Variants in ITGAV observed in about 807,000 individuals in gnomAD.
ITGAV encodes the protein integrin alpha-V.
A neutral mutation model predicts 143.8 loss-of-function variants in ITGAV; 76 were observed. That is an observed-to-expected ratio of 0.53 (90% CI 0.44 to 0.64). The LOEUF (loss-of-function observed/expected upper bound fraction) is 0.64, where lower values mean the gene tolerates loss of function less well. Among genes scored for constraint, ITGAV ranks in the 30% least tolerant of loss-of-function variants. The pLI is 0.00. For synonymous variants in ITGAV, 453 were observed against 446.7 expected (o/e 1.01, Z -0.18); for missense variants, 1,193 against 1,274.7 (o/e 0.94, Z 0.98).
intron 17 of ITGAV, among the ~76,000 whole-genome samples, chr2:186,658,300 T>G (rs1688645520): frequency 6.6e-6 from 1 of 152,172 alleles, no homozygotes; most frequent in Admixed American, 6.5e-5. Context: ...CCCCAAGTTA[T>G]GACTATGAAG....
chr2:186,658,284 C>G lies in ITGAV; in HGVS notation c.1720-754C>G, dbSNP rs1688645079. On this transcript the variant is annotated intron_variant, in intron 17 of 29. Transcript: ENST00000261023. ...AAACTTCAAGATTTAAGAAGCAAGA[C>G]AAATACCCCAAGTTATGACTATGAA... is the stretch of plus-strand genomic sequence containing the variant. Among the ~76,000 whole-genome samples, 6 of 152,202 alleles carry G rather than the reference C, an allele frequency of 3.9e-5. No homozygotes were observed. In the South Asian group the frequency reaches 1.0e-3, roughly 26 times the overall value.
rs142158818 is a variant in ITGAV at position 186,617,755 on chromosome 2, A to G, written c.317-4584A>G. On this transcript the variant is annotated intron_variant, in intron 2 of 29. Transcript: ENST00000261023. ...TTCGATAATTAAATAAAATTATTTTATTGTGTGAGATACTCTTTTTTTCTT... is the reference window on the plus strand; with the variant it reads ...TTCGATAATTAAATAAAATTATTTTGTTGTGTGAGATACTCTTTTTTTCTT... Among the ~76,000 whole-genome samples the G allele has an allele frequency of 4.2e-3, 634 of 152,266 alleles. 5 individuals are homozygous for G. The highest frequency in any genetic ancestry group is 0.014 in the African/African-American group (591 of 41,546).
intron 1 of ITGAV, among the ~76,000 whole-genome samples, chr2:186,598,513 C>T (rs1404345481): frequency 6.7e-6 from 1 of 149,606 alleles, no homozygotes; most frequent in Admixed American, 6.7e-5. Context: ...TCTTGGCTCA[C>T]TGCAATCTCC....
At chr2:186,655,030 AT>A (rs1688545251) in intron 16 of ITGAV, among the ~76,000 whole-genome samples, 2 of 152,240 alleles carry the variant, frequency 1.3e-5, no homozygotes, top group South Asian at 2.1e-4. Context: ...TTATAAGTAG[AT>A]GATCTGCTGA....
At position 186,675,671 on chromosome 2, in the gene ITGAV, C is replaced by T. The variant is rs767330119; in HGVS notation, c.2774C>T (p.Ala925Val). ...QVGRLDRGKS[A>V]ILYVKSLLWT... ...GGGAGATTAGACAGAGGAAAGAGTG[C>T]AATCTTGTACGTAAAGTCATTACTG... The change falls in exon 27 of 30, where the codon GCA becomes GTA. Residue 925 changes from alanine to valine, a missense_variant. Transcript: ENST00000261023. The T allele has an allele frequency of 1.4e-5, 23 of 1,613,628 alleles. No homozygotes were observed. The highest frequency in any genetic ancestry group is 2.2e-5 in the East Asian group (1 of 44,858).
intron 26 of ITGAV, among the ~76,000 whole-genome samples, chr2:186,675,029 A>G (rs1445451252): frequency 6.6e-6 from 1 of 152,174 alleles, no homozygotes; most frequent in Non-Finnish European, 1.5e-5. Context: ...TAACATTGTC[A>G]TGAGGTGTAT....
At chr2:186,595,798 T>G (rs1686735098) in intron 1 of ITGAV, among the ~76,000 whole-genome samples, 1 of 152,148 alleles carries the variant, frequency 6.6e-6, no homozygotes, top group African/African-American at 2.4e-5. Context: ...ATTAAGTCAC[T>G]CAGCTTCAGA....
intron 15 of ITGAV, among the ~76,000 whole-genome samples, chr2:186,652,931 ATTTTTTTT>A (rs35139936): frequency 1.2e-5 from 1 of 82,424 alleles, no homozygotes; most frequent in African/African-American, 4.9e-5. Context: ...TTCATTATAG[ATTTTTTTT>A]TTTTTTTTTT....
At chr2:186,603,990 G>A (rs1027104246) in intron 2 of ITGAV, among the ~76,000 whole-genome samples, 2 of 151,528 alleles carry the variant, frequency 1.3e-5, no homozygotes, top group Non-Finnish European at 2.9e-5. Context: ...TCAGCCCCAC[G>A]AGGAGTTGGG....
intron 16 of ITGAV, among the ~76,000 whole-genome samples, chr2:186,655,548 C>T (rs751043042): frequency 2.6e-5 from 4 of 152,118 alleles, no homozygotes; most frequent in Admixed American, 6.6e-5. Context: ...AAAATAACCC[C>T]GGGTATTCAC....
intron 26 of ITGAV, among the ~76,000 whole-genome samples, chr2:186,671,750 A>G (rs950173639): frequency 3.9e-5 from 6 of 152,122 alleles, no homozygotes; most frequent in South Asian, 2.1e-4. Flanking sequence ...CCAAAAAGAA[A>G]TGCTGTACCC....
At chr2:186,591,575 AT>A (rs1377818266) in intron 1 of ITGAV, among the ~76,000 whole-genome samples, 37 of 152,094 alleles carry the variant, frequency 2.4e-4, no homozygotes, top group African/African-American at 8.5e-4. Flanking sequence ...GTGGAGGAAA[AT>A]TTTGACGGTT....
In ITGAV at chr2:186,622,431, G is replaced by T. The variant is rs1198861424; in HGVS notation, c.408+1G>T. 1.3e-6 allele frequency: 2 copies of T among 1,593,444 alleles called. No homozygotes were observed. Among genetic ancestry groups the T allele is most frequent in the Non-Finnish European group, 1.7e-6 (2 of 1,161,422 alleles). On this transcript the variant is annotated splice_donor_variant, in intron 3 of 29. Transcript: ENST00000261023. LOFTEE classifies it high-confidence loss of function. Reference sequence around the variant, plus strand: ...GAGGTCGAAACAGGATAAAATTTTGGTGAGTCTTCTGGATATTTACTTACA... The same window carrying T: ...GAGGTCGAAACAGGATAAAATTTTGTTGAGTCTTCTGGATATTTACTTACA...
At chr2:186,617,012 A>T (rs1687383913) in intron 2 of ITGAV, among the ~76,000 whole-genome samples, 1 of 147,076 alleles carries the variant, frequency 6.8e-6, no homozygotes, top group South Asian at 2.2e-4. Context: ...TATTGTTTTG[A>T]TAGACATTTT....
chr2:186,637,343 G>A (rs565947535), intron 8 of ITGAV, among the ~76,000 whole-genome samples: 3 of 151,822 alleles, frequency 2.0e-5, no homozygotes, highest in East Asian at 1.9e-4. Context: ...TTAGCCGGGC[G>A]CGGTGATGCA....
intron 5 of ITGAV, among the ~76,000 whole-genome samples, chr2:186,632,880 A>C (rs1313299782): frequency 6.6e-6 from 1 of 152,144 alleles, no homozygotes; most frequent in Non-Finnish European, 1.5e-5. Flanking sequence ...TGAATATATT[A>C]AAATGTTTCT....
rs200935847 is a variant in ITGAV at position 186,640,945 on chromosome 2, G to T, written c.934G>T (p.Ala312Ser). ...MAAYFGFSVA[A>S]TDINGDDYAD... is the part of the protein sequence containing the mutation. ...TGCATATTTCGGATTTTCTGTAGCT[G>T]CCACTGACATTAATGGAGATGAGTA... is the stretch of plus-strand genomic sequence containing the variant. Residue 312 changes from alanine to serine, a missense_variant, in exon 11 of 30, where the codon GCC becomes TCC. Ala to Ser is a moderately conservative substitution (Grantham distance 99). Transcript: ENST00000261023. 11 of 1,597,074 alleles carry T rather than the reference G, an allele frequency of 6.9e-6. No homozygotes were observed. Among genetic ancestry groups the T allele is most frequent in the Non-Finnish European group, 9.4e-6 (11 of 1,169,420 alleles).
In ITGAV at chr2:186,678,378, A is replaced by G. The variant is rs1024037063; in HGVS notation, c.*1086A>G. 1 of 159,500 alleles carries G rather than the reference A, an allele frequency of 6.3e-6. No homozygotes were observed. Among genetic ancestry groups the G allele is most frequent in the Non-Finnish European group, 1.4e-5 (1 of 73,036 alleles). The allele number at this position is 159,500 out of a possible 1,614,324, so 9.9% of individuals were successfully genotyped here. On this transcript the variant is annotated 3_prime_UTR_variant, in exon 30 of 30. Coordinates refer to ENST00000261023, the MANE Select transcript of ITGAV (RefSeq NM_002210.5). The stretch of plus-strand genomic sequence containing the variant: ...AACCTGGACCCCTTACCCCAACTTT[A>G]TGAGTAATGCTTGGAATAAAAACTC...
intron 4 of ITGAV, among the ~76,000 whole-genome samples, chr2:186,626,992 C>A (rs778893568): frequency 6.6e-6 from 1 of 152,112 alleles, no homozygotes; most frequent in Non-Finnish European, 1.5e-5. Flanking sequence ...AATGAGTTAA[C>A]CCTTGTTTGC....
Sources: gnomAD v4.1 joint callset for allele counts (sites outside exome capture counted in the v4.1 genomes callset) on GRCh38, gnomAD v4.1.1 for gene constraint, MANE v1.5 for transcripts, NCBI Gene and HGNC (gene_info 2026-07-23, HGNC 2026-07-21) for gene names.